Variants in SUMF1 observed in about 807,000 individuals in gnomAD.
SUMF1 encodes sulfatase modifying factor 1.
Under a neutral mutation model 47.6 loss-of-function variants are expected in SUMF1, and 48 were observed. The observed-to-expected ratio is 1.01, with a 90% CI of 0.80 to 1.28. The LOEUF (loss-of-function observed/expected upper bound fraction) is 1.28, where lower values mean the gene tolerates loss of function less well. SUMF1 is among the 50% of genes most tolerant of loss of function. SUMF1 has a pLI of 0.00. For missense variants in SUMF1, 571 were observed against 485.4 expected (o/e 1.18, Z -1.66); for synonymous variants, 230 against 192.1 (o/e 1.20, Z -1.63).
chr3:4,375,596 T>C (rs1290901644), intron 8 of SUMF1, among the ~76,000 whole-genome samples: 1 of 152,194 alleles, frequency 6.6e-6, no homozygotes, highest in Admixed American at 6.5e-5. Context: ...TTTAAGTCTC[T>C]AACCACCTGG....
chr3:4,157,626 GTTC>G (rs1694484925), intron 8 of SUMF1, among the ~76,000 whole-genome samples: 1 of 151,436 alleles, frequency 6.6e-6, no homozygotes, highest in South Asian at 2.1e-4. Context: ...TCTTCCCTGT[GTTC>G]TTCTCTCTAA....
At chr3:4,121,618 T>C (rs1438154110) in intron 8 of SUMF1, among the ~76,000 whole-genome samples, 1 of 152,146 alleles carries the variant, frequency 6.6e-6, no homozygotes, top group Non-Finnish European at 1.5e-5. Context: ...TAGTTACCAT[T>C]ATGACCTAGC....
intron 8 of SUMF1, among the ~76,000 whole-genome samples, chr3:4,149,983 T>G (rs1202755645): frequency 6.6e-6 from 1 of 152,202 alleles, no homozygotes; most frequent in Non-Finnish European, 1.5e-5. Context: ...TCTGGAGATT[T>G]GGTTTACTGA....
At chr3:4,457,897 T>G (rs1480325453) in intron 1 of SUMF1, among the ~76,000 whole-genome samples, 1 of 152,148 alleles carries the variant, frequency 6.6e-6, no homozygotes, top group African/African-American at 2.4e-5. Flanking sequence ...CAAATAGGAT[T>G]GTATCAAACC....
chr3:4,290,075 T>C (rs1697710075), intron 8 of SUMF1, among the ~76,000 whole-genome samples: 1 of 152,192 alleles, frequency 6.6e-6, no homozygotes, highest in South Asian at 2.1e-4. Context: ...GGTGAATGAA[T>C]TTAAATTATG....
At chr3:4,425,196 G>A (rs1402885293) in intron 3 of SUMF1, among the ~76,000 whole-genome samples, 2 of 152,282 alleles carry the variant, frequency 1.3e-5, no homozygotes, top group East Asian at 3.9e-4. Flanking sequence ...AGCTGCCTAA[G>A]CTTGAACAAC....
rs765555225 is a variant in SUMF1, at chr3:4,092,943, G to GA, written c.1015-24199dup. Among the ~76,000 whole-genome samples the GA allele has an allele frequency of 3.3e-3, 487 of 149,346 alleles. 11 individuals are homozygous for GA. The highest frequency in any genetic ancestry group is 8.8e-4 in the Non-Finnish European group (59 of 67,096). ...ACAATATAGAAAGCTTTGATAAAAG[G>GA]AAAAAAAAACAAGGAGGAAGTTATT... On this transcript the variant is annotated intron_variant and NMD_transcript_variant, in intron 8 of 12. Transcript: ENST00000448413.
intron 7 of SUMF1, among the ~76,000 whole-genome samples, chr3:4,377,367 C>G (rs1700362422): frequency 6.6e-6 from 1 of 151,756 alleles, no homozygotes; most frequent in Admixed American, 6.6e-5. Context: ...GTACTATGAA[C>G]CAGGCACAGT....
intron 8 of SUMF1, among the ~76,000 whole-genome samples, chr3:4,329,777 T>G (rs1441362175): frequency 6.7e-6 from 1 of 149,160 alleles, no homozygotes; most frequent in Non-Finnish European, 1.5e-5. Flanking sequence ...TTTTTTTTTT[T>G]CCTATCACAT....
intron 3 of SUMF1, 81 bp from the exon 4 acceptor site, chr3:4,420,227 AT>A (rs1311615368): frequency 9.4e-7 from 1 of 1,063,960 alleles, no homozygotes; most frequent in Non-Finnish European, 1.5e-6. Context: ...TGCAGCAAAA[AT>A]CTCAATGTCT....
At chr3:4,244,625 G>C (rs1696618733) in intron 8 of SUMF1, among the ~76,000 whole-genome samples, 1 of 152,164 alleles carries the variant, frequency 6.6e-6, no homozygotes, top group Non-Finnish European at 1.5e-5. Flanking sequence ...AGAGAGATTT[G>C]CTGTTCGTCT....
At chr3:4,104,742 A>C (rs1693119197) in intron 8 of SUMF1, among the ~76,000 whole-genome samples, 1 of 151,576 alleles carries the variant, frequency 6.6e-6, no homozygotes, top group South Asian at 2.1e-4. Flanking sequence ...CCAATGTAAT[A>C]ATTTTTTTCC....
intron 8 of SUMF1, among the ~76,000 whole-genome samples, chr3:4,259,388 A>C (rs1697036080): frequency 6.6e-6 from 1 of 152,188 alleles, no homozygotes; most frequent in Non-Finnish European, 1.5e-5. Flanking sequence ...CATGTTACGT[A>C]AGGCAAAAGG....
intron 8 of SUMF1, among the ~76,000 whole-genome samples, chr3:4,090,236 A>C (rs1470787753): frequency 1.3e-5 from 2 of 152,156 alleles, no homozygotes; most frequent in African/African-American, 2.4e-5. Context: ...AGAGGAAAAA[A>C]AATCATTTCC....
At chr3:4,400,534 G>A (rs998650714) in intron 7 of SUMF1, among the ~76,000 whole-genome samples, 7 of 152,126 alleles carry the variant, frequency 4.6e-5, no homozygotes, top group African/African-American at 1.4e-4. Context: ...ACATAATCTG[G>A]TCTACTAAAC....
At chr3:4,415,951 T>G (rs1701697914) in intron 6 of SUMF1, among the ~76,000 whole-genome samples, 1 of 152,240 alleles carries the variant, frequency 6.6e-6, no homozygotes, top group Admixed American at 6.5e-5. Context: ...ATCATGCTGC[T>G]GCCTTGGTCT....
intron 9 of SUMF1, among the ~76,000 whole-genome samples, chr3:4,046,670 A>G (rs1021994151): frequency 1.3e-4 from 19 of 151,766 alleles, no homozygotes; most frequent in Admixed American, 8.5e-4. Context: ...CAGTTTGTCC[A>G]CTTCCCTCCC....
chr3:4,197,206 C>G (rs958644523), intron 8 of SUMF1, among the ~76,000 whole-genome samples: 4 of 152,212 alleles, frequency 2.6e-5, no homozygotes, highest in South Asian at 2.1e-4. Context: ...CTCGACCTCC[C>G]CAGGCTCAAG....
chr3:4,151,848 G>A (rs927979057), intron 8 of SUMF1, among the ~76,000 whole-genome samples: 6 of 151,382 alleles, frequency 4.0e-5, no homozygotes, highest in African/African-American at 9.8e-5. Flanking sequence ...AGATGCACTG[G>A]GACAGGTACG....
Sources: gnomAD v4.1 joint callset for allele counts (sites outside exome capture counted in the v4.1 genomes callset) on GRCh38, gnomAD v4.1.1 for gene constraint, MANE v1.5 for transcripts, NCBI Gene and HGNC (gene_info 2026-07-23, HGNC 2026-07-21) for gene names.